Variants in PLCD1 observed in about 807,000 individuals in gnomAD.
The protein encoded by PLCD1 is phospholipase C delta 1.
PLCD1 carries 71 observed loss-of-function variants against 87.4 expected under a neutral mutation model. The observed-to-expected ratio is 0.81, with a 90% CI of 0.67 to 0.99. PLCD1 has a LOEUF of 0.99. Among genes scored for constraint, PLCD1 ranks in the 50% least tolerant of loss-of-function variants. The probability of loss-of-function intolerance (pLI) is 0.00; values close to 1 mark genes in which losing one functional copy is unlikely to be tolerated. For missense variants in PLCD1, 867 were observed against 1,001.5 expected (o/e 0.87, Z 1.81); for synonymous variants, 348 against 399.2 (o/e 0.87, Z 1.53).
chr3:38,024,425 G>A (rs1440960838), intron 1 of PLCD1: 2 of 1,611,960 alleles, frequency 1.2e-6, no homozygotes, highest in Admixed American at 1.7e-5. Flanking sequence ...GGATCCCCAG[G>A]CACTGCATGG....
At chr3:38,023,665 A>AAC (rs1575357411) in intron 1 of PLCD1, among the ~76,000 whole-genome samples, 1 of 151,778 alleles carries the variant, frequency 6.6e-6, no homozygotes, top group East Asian at 1.9e-4. Flanking sequence ...AAATCCATAT[A>AAC]ACACACACAC....
intron 3 of PLCD1, among the ~76,000 whole-genome samples, chr3:38,013,413 C>T (rs1316345651): frequency 1.3e-5 from 2 of 151,460 alleles, no homozygotes; most frequent in Non-Finnish European, 2.9e-5. Context: ...CGGGGTTTCA[C>T]CGTGTTAGCC....
chr3:38,014,156 C>T (rs1478955321), intron 3 of PLCD1, among the ~76,000 whole-genome samples: 1 of 152,104 alleles, frequency 6.6e-6, no homozygotes. Flanking sequence ...CCAAATTGAT[C>T]TATACATTCA....
intron 1 of PLCD1, among the ~76,000 whole-genome samples, chr3:38,028,715 C>T (rs1405630018): frequency 1.3e-5 from 2 of 152,164 alleles, no homozygotes; most frequent in African/African-American, 2.4e-5. Context: ...AGCAAAGAGG[C>T]GCCCAAAGTT....
intron 3 of PLCD1, among the ~76,000 whole-genome samples, chr3:38,013,397 TA>T (rs1245302280): frequency 6.6e-6 from 1 of 151,000 alleles, no homozygotes; most frequent in Admixed American, 6.6e-5. Context: ...TATTTTTTAG[TA>T]GAGACGGGGT....
At chr3:38,019,437 T>C (rs1411487731) in intron 2 of PLCD1, among the ~76,000 whole-genome samples, 3 of 152,166 alleles carry the variant, frequency 2.0e-5, no homozygotes, top group Non-Finnish European at 4.4e-5. Context: ...ATTTCCATCA[T>C]TGTTCAACTG....
intron 3 of PLCD1, among the ~76,000 whole-genome samples, chr3:38,012,642 G>A (rs1575349848): frequency 1.3e-5 from 2 of 151,276 alleles, no homozygotes; most frequent in African/African-American, 4.9e-5. Context: ...CTAGCCTCCT[G>A]AGGAGCTGGG....
At chr3:38,011,796 C>T (rs1700082473) in intron 3 of PLCD1, 123 bp from the exon 4 acceptor site, 28 of 884,258 alleles carry the variant, frequency 3.2e-5, no homozygotes, top group Middle Eastern at 3.2e-4. Flanking sequence ...TGACTTACTA[C>T]ACATCCATGT....
In PLCD1 at chr3:38,011,422, G is replaced by A; in HGVS notation, c.582C>T (p.Asp194=). ...CCTCAATCTCCTCGTCCTCCAGGGA[G>A]TCTGTCTGGGAGTGGTCACACTCCT... ...IFRECDHSQT[D]SLEDEEIEAF... Residue 194 remains aspartate, a synonymous_variant, in exon 5 of 15, where the codon GAC becomes GAT. Transcript: ENST00000334661. 1 of 1,614,080 alleles carries A rather than the reference G, an allele frequency of 6.2e-7. No homozygotes were observed. The highest frequency in any genetic ancestry group is 8.5e-7 in the Non-Finnish European group (1 of 1,179,952).
chr3:38,021,301 C>T lies in PLCD1; in HGVS notation c.35-949G>A, dbSNP rs1236030379. On this transcript the variant is annotated intron_variant, in intron 1 of 14. Transcript: ENST00000334661. ...CTCAGAGTGCCCAGGGTCTGGGACC[C>T]CTCAGGATACAGCAGCTTTAAGGCA... Among the ~76,000 whole-genome samples the T allele has an allele frequency of 2.6e-5, 4 of 152,300 alleles. No individual in the cohort carries two copies. In the East Asian group the frequency reaches 7.7e-4, roughly 29 times the overall value.
At chr3:38,016,752 G>C in intron 2 of PLCD1, 33 bp from the exon 3 acceptor site, 1 of 1,451,142 alleles carries the variant, frequency 6.9e-7, no homozygotes, top group South Asian at 1.2e-5. Flanking sequence ...GAGAGAGGGA[G>C]AGAATGCTGT....
chr3:38,020,844 C>T (rs926698151), intron 1 of PLCD1, among the ~76,000 whole-genome samples: 5 of 152,150 alleles, frequency 3.3e-5, no homozygotes, highest in African/African-American at 9.7e-5. Flanking sequence ...GACCCCAGAG[C>T]GTCATGGAGC....
rs1035834686 is a variant in PLCD1 at position 38,018,041 on chromosome 3, C to T, written c.200-1322G>A. 2.6e-5 allele frequency among the ~76,000 whole-genome samples: 4 copies of T among 152,194 alleles called. No individual in the cohort carries two copies. Among genetic ancestry groups the T allele is most frequent in the African/African-American group, 9.7e-5 (4 of 41,442 alleles). On this transcript the variant is annotated intron_variant, in intron 2 of 14. Transcript: ENST00000334661. The surrounding 1 kb of genome is among the most constrained non-coding windows in gnomAD (Gnocchi z 5.7). ...CCACACAGAGAGAAAGTCCAGATGC[C>T]TTCACTGCTGATAACACCTTTGGCC...
rs185051874 is a variant in PLCD1 at position 38,011,619 on chromosome 3, G to A, written c.483C>T (p.Ser161=). ...KADKNKDNKM[S]FKELQNFLKE... ...TCAGGAAGTTCTGCAGCTCCTTGAA[G>A]CTCATCTTGTTGTCCTTGTTTTTGT... Residue 161 remains serine (S), a synonymous_variant, in exon 4 of 15, where the codon AGC becomes AGT. Transcript: ENST00000334661. The A allele has an allele frequency of 5.5e-5, 89 of 1,614,034 alleles. No homozygotes were observed. The highest frequency in any genetic ancestry group is 7.3e-5 in the Non-Finnish European group (86 of 1,179,964).
chr3:38,021,792 T>C lies in PLCD1; in HGVS notation c.35-1440A>G, dbSNP rs544607202. On this transcript the variant is annotated intron_variant, in intron 1 of 14. Transcript: ENST00000334661. ...AGTCTGAGGGTCTTGAGCCTAAGCC[T>C]ATGTGGGGAAGCCCTCATGAAGCCA... Among the ~76,000 whole-genome samples, 4 of 152,268 alleles carry C rather than the reference T, an allele frequency of 2.6e-5. 1 individual carries two copies. In the East Asian group the frequency reaches 7.7e-4, roughly 29 times the overall value.
Position 38,016,507 on chromosome 3 carries a change from G to C in PLCD1, c.412C>G (p.Arg138Gly). The stretch of plus-strand genomic sequence containing the variant: ...AAAGGATACTGCTGTAGCTTCTGAC[G>C]CTGGTCCATGGAGCCTGAGTGGTGG... ...IIHHSGSMDQ[R>G]QKLQHWIHSC... is the part of the protein sequence containing the mutation. Residue 138 changes from arginine to glycine, a missense_variant, in exon 3 of 15, where the codon CGT becomes GGT. Physicochemically the swap from Arg to Gly is moderately radical, Grantham distance 125. Transcript: ENST00000334661. The C allele has an allele frequency of 1.9e-6, 3 of 1,612,320 alleles. No individual in the cohort carries two copies. In the South Asian group the frequency reaches 3.3e-5, roughly 18 times the overall value.
In PLCD1 at chr3:38,017,209, AAGCCACAAG is replaced by A. The variant is rs1444511054; in HGVS notation, c.200-499_200-491del. 7.2e-5 allele frequency among the ~76,000 whole-genome samples: 11 copies of A among 152,078 alleles called. No individual in the cohort carries two copies. The highest frequency in any genetic ancestry group is 2.2e-4 in the African/African-American group (9 of 41,416). On this transcript the variant is annotated intron_variant, in intron 2 of 14. Coordinates refer to ENST00000334661, the MANE Select transcript of PLCD1 (RefSeq NM_006225.4). This position sits in a 1 kb window ranked among gnomAD's most constrained non-coding sequence, Gnocchi z 4.7. ...ACTTTGGGTCTGTCCTGACCCGATA[AAGCCACAAG>A]AGCCACCAGGCCCCTCTCCTGAACA...
chr3:38,008,324 T>C lies in PLCD1; in HGVS notation c.1946A>G (p.Asn649Ser), dbSNP rs773968511. 5.6e-6 allele frequency: 9 copies of C among 1,614,184 alleles called. No individual in the cohort carries two copies. In the South Asian group the frequency reaches 8.8e-5, roughly 16 times the overall value. Residue 649 changes from asparagine to serine, a missense_variant, in exon 13 of 15, where the codon AAT becomes AGT. Asn to Ser is a conservative substitution (Grantham distance 46, BLOSUM62 1). Transcript: ENST00000334661. ...TGTCACTTTGGGGTCCACAATTGAA[T>C]TCTTATTCTTGTTGACTTTTGGCAG... The part of the protein sequence containing the change: ...QQLPKVNKNK[N>S]SIVDPKVTVE...
chr3:38,024,327 C>G (rs1249320205), intron 1 of PLCD1: 2 of 1,610,778 alleles, frequency 1.2e-6, no homozygotes, highest in East Asian at 4.5e-5. Context: ...GAGTGCTCTG[C>G]GCCCCTTACC....
Sources: gnomAD v4.1 joint callset for allele counts (sites outside exome capture counted in the v4.1 genomes callset) on GRCh38, gnomAD v4.1.1 for gene constraint, Gnocchi (gnomAD v3.1) non-coding constraint, MANE v1.5 for transcripts, NCBI Gene and HGNC (gene_info 2026-07-23, HGNC 2026-07-21) for gene names.